Variants in PPP1R13B observed in about 807,000 individuals in gnomAD.
PPP1R13B encodes protein phosphatase 1 regulatory subunit 13B.
In PPP1R13B, 44 loss-of-function variants were observed where a neutral mutation model predicts 119.8. The observed-to-expected ratio is 0.37, with a 90% CI of 0.29 to 0.47. PPP1R13B has a LOEUF of 0.47. Among genes scored for constraint, PPP1R13B ranks in the 20% least tolerant of loss-of-function variants. PPP1R13B has a pLI of 0.99. For synonymous variants in PPP1R13B, 542 were observed against 561.5 expected, an observed-to-expected ratio of 0.97 and a Z score of 0.49; for missense variants, 1,227 against 1,413.5, an observed-to-expected ratio of 0.87 and a Z score of 2.12.
At chr14:103,795,260 A>G (rs1010455064) in intron 2 of PPP1R13B, among the ~76,000 whole-genome samples, 9 of 152,288 alleles carry the variant, frequency 5.9e-5, no homozygotes, top group African/African-American at 1.9e-4. Context: ...TGATAAATAC[A>G]ACGACAGTAT....
chr14:103,753,127 C>G lies in PPP1R13B; in HGVS notation c.701G>C (p.Arg234Thr). Residue 234 changes from arginine to threonine, a missense_variant, in exon 7 of 17, where the codon AGG becomes ACG. Physicochemically the swap from Arg to Thr is moderately conservative, Grantham distance 71. Transcript: ENST00000202556. Reference sequence around the variant, plus strand: ...CAATTGCTGACTAAGCTGATCAACCCTTAAAATTGCAGTCTGTACTTCCTG... The same window carrying G: ...CAATTGCTGACTAAGCTGATCAACCGTTAAAATTGCAGTCTGTACTTCCTG... ...KKQEVQTAIL[R>T]VDQLSQQLED... 6.2e-7 allele frequency: 1 copy of G among 1,613,786 alleles called. No homozygotes were observed. The highest frequency in any genetic ancestry group is 8.5e-7 in the Non-Finnish European group (1 of 1,180,048).
At chr14:103,745,047 T>C (rs1389068769) in intron 9 of PPP1R13B, among the ~76,000 whole-genome samples, 1 of 152,190 alleles carries the variant, frequency 6.6e-6, no homozygotes, top group Admixed American at 6.5e-5. Context: ...CAGACAAATA[T>C]CTACTCCTAC....
chr14:103,797,663 T>C, intron 1 of PPP1R13B, 145 bp from the exon 2 acceptor site: 1 of 455,978 alleles, frequency 2.2e-6, no homozygotes, highest in South Asian at 2.4e-5. Context: ...GATAAGCTGA[T>C]TCTAAAGTTC....
At chr14:103,789,701 A>T (rs1301222796) in intron 2 of PPP1R13B, among the ~76,000 whole-genome samples, 1 of 151,828 alleles carries the variant, frequency 6.6e-6, no homozygotes, top group Non-Finnish European at 1.5e-5. Flanking sequence ...TTTAGTAGAG[A>T]CAGAGTTTCA....
chr14:103,848,679 C>G (rs140482655), upstream of PPP1R13B, among the ~76,000 whole-genome samples: 1 of 152,228 alleles, frequency 6.6e-6, no homozygotes, highest in East Asian at 1.9e-4. Flanking sequence ...TGGAGCCTGT[C>G]TGGTTCTCGG....
intron 4 of PPP1R13B, among the ~76,000 whole-genome samples, chr14:103,767,865 A>G (rs925581487): frequency 6.6e-6 from 1 of 152,172 alleles, no homozygotes; most frequent in African/African-American, 2.4e-5. Context: ...TGATAAAGTT[A>G]ATCATACCCC....
rs368593607 is a variant in PPP1R13B at position 103,778,741 on chromosome 14, T to G, written c.354+4A>C. 3 of 1,610,638 alleles carry G rather than the reference T, an allele frequency of 1.9e-6. No homozygotes were observed. The highest frequency in any genetic ancestry group is 2.7e-5 in the African/African-American group (2 of 74,826). ...AAAATTCAATTTAATTCACTGTCAC[T>G]TACCCCATTTTCAGTACGTTTTTCT... On this transcript the variant is annotated splice_donor_region_variant and intron_variant, in intron 4 of 16. Coordinates refer to ENST00000202556, the MANE Select transcript of PPP1R13B (RefSeq NM_015316.3).
chr14:103,790,445 T>C (rs1408746567), intron 2 of PPP1R13B, among the ~76,000 whole-genome samples: 1 of 151,970 alleles, frequency 6.6e-6, no homozygotes, highest in African/African-American at 2.4e-5. Context: ...AGCGATTAGG[T>C]CATGAGAGCT....
chr14:103,733,261 G>T lies in PPP1R13B; in HGVS notation c.*1893C>A. The stretch of plus-strand genomic sequence containing the variant: ...TATTGTCAATACTTAATTGGGGGTG[G>T]GAGAGACTGAGCTACACTACTGCTA... On this transcript the variant is annotated 3_prime_UTR_variant, in exon 17 of 17. Transcript: ENST00000202556. 1.9e-6 allele frequency: 1 copy of T among 531,404 alleles called. No individual in the cohort carries two copies. Among genetic ancestry groups the T allele is most frequent in the Non-Finnish European group, 3.3e-6 (1 of 299,960 alleles). 32.9% of individuals were successfully genotyped at this position (531,404 alleles called of 1,614,324 possible).
At chr14:103,831,748 C>A (rs1159530694) in intron 1 of PPP1R13B, among the ~76,000 whole-genome samples, 1 of 151,820 alleles carries the variant, frequency 6.6e-6, no homozygotes, top group African/African-American at 2.4e-5. Flanking sequence ...CCAACCTGGC[C>A]AACATGGTGA....
At chr14:103,821,147 T>C (rs1008597900) in intron 1 of PPP1R13B, among the ~76,000 whole-genome samples, 18 of 152,188 alleles carry the variant, frequency 1.2e-4, no homozygotes, top group Non-Finnish European at 2.1e-4. Context: ...TAATAAATCA[T>C]CTTGGTAACA....
chr14:103,783,404 C>A (rs1005709643), intron 3 of PPP1R13B, among the ~76,000 whole-genome samples: 2 of 151,880 alleles, frequency 1.3e-5, no homozygotes, highest in Admixed American at 6.6e-5. Flanking sequence ...GGATTATAGG[C>A]GCACACCACC....
At chr14:103,819,580 CCA>C (rs1204670221) in intron 1 of PPP1R13B, among the ~76,000 whole-genome samples, 2 of 151,460 alleles carry the variant, frequency 1.3e-5, no homozygotes, top group South Asian at 4.2e-4. Flanking sequence ...ATATAAAAAT[CCA>C]GGAGAGAATG....
At position 103,740,572 on chromosome 14, in the gene PPP1R13B, G is replaced by C. The variant is rs757618294; in HGVS notation, c.1844C>G (p.Pro615Arg). The C allele has an allele frequency of 6.5e-7, 1 of 1,534,860 alleles. No individual in the cohort carries two copies. The highest frequency in any genetic ancestry group is 8.8e-7 in the Non-Finnish European group (1 of 1,139,142). Residue 615 changes from proline to arginine, a missense_variant, in exon 12 of 17, where the codon CCT (proline) becomes CGT (arginine). By Grantham distance (103) the Pro-to-Arg change is moderately radical. Coordinates refer to ENST00000202556, the MANE Select transcript of PPP1R13B (RefSeq NM_015316.3). This position sits in a 1 kb window ranked among gnomAD's most constrained non-coding sequence, Gnocchi z 4.6. Reference sequence around the variant, plus strand: ...CGGCGATGGAGAGGTTGAACCCGAAGGTAAAACGGGCTTACCATACACTGG... The same window carrying C: ...CGGCGATGGAGAGGTTGAACCCGAACGTAAAACGGGCTTACCATACACTGG... Reference protein sequence around the residue: ...VKAVYGKPVLPSGSTSPSPLP... With the variant: ...VKAVYGKPVLRSGSTSPSPLP...
chr14:103,830,177 C>T (rs1335985615), intron 1 of PPP1R13B, among the ~76,000 whole-genome samples: 1 of 152,096 alleles, frequency 6.6e-6, no homozygotes, highest in African/African-American at 2.4e-5. Flanking sequence ...CTCACTGCAA[C>T]CTCTGCCTCC....
At chr14:103,841,057 C>T (rs963419510) in intron 1 of PPP1R13B, among the ~76,000 whole-genome samples, 1 of 152,090 alleles carries the variant, frequency 6.6e-6, no homozygotes, top group East Asian at 1.9e-4. Flanking sequence ...GAAGCTGAGG[C>T]GGCATGTCAC....
In PPP1R13B at chr14:103,788,000, C is replaced by A. The variant is rs1201304487; in HGVS notation, c.158-3086G>T. On this transcript the variant is annotated intron_variant, in intron 2 of 16. Coordinates refer to ENST00000202556, the MANE Select transcript of PPP1R13B (RefSeq NM_015316.3). ...TGGTGGCACACATCCATAGTCCCAG[C>A]GACTAGAGAGGCTGAGGCAGGAGGA... Among the ~76,000 whole-genome samples, 3 of 151,638 alleles carry A rather than the reference C, an allele frequency of 2.0e-5. No homozygotes were observed. The East Asian group carries it at 5.8e-4, about 29-fold the overall frequency.
intron 15 of PPP1R13B, chr14:103,736,580 A>C: frequency 4.7e-6 from 1 of 213,636 alleles, no homozygotes. Context: ...AACTACACAC[A>C]ACTGAGCCCT....
In PPP1R13B at chr14:103,784,818, G is replaced by A; in HGVS notation, c.254C>T (p.Ser85Phe). The change falls in exon 3 of 17, where the codon TCC becomes TTC. Residue 85 changes from serine to phenylalanine, a missense_variant. Ser to Phe is a radical substitution (Grantham distance 155). Coordinates refer to ENST00000202556, the MANE Select transcript of PPP1R13B (RefSeq NM_015316.3). The stretch of plus-strand genomic sequence containing the variant: ...ACCTTGTTCACTGTTCTCAGTTGGG[G>A]AGTCCTCGTGTCGAAGGAAAAATTT... ...EVKFFLRHED[S>F]PTENSEQGGR... 6.2e-7 allele frequency: 1 copy of A among 1,608,822 alleles called. No homozygotes were observed. The highest frequency in any genetic ancestry group is 8.5e-7 in the Non-Finnish European group (1 of 1,176,102).
Sources: gnomAD v4.1 joint callset for allele counts (sites outside exome capture counted in the v4.1 genomes callset) on GRCh38, gnomAD v4.1.1 for gene constraint, Gnocchi (gnomAD v3.1) non-coding constraint, MANE v1.5 for transcripts, NCBI Gene and HGNC (gene_info 2026-07-23, HGNC 2026-07-21) for gene names.